UST: variants seen among roughly 807,000 people sequenced by gnomAD.
UST encodes the protein chondroitin sulfate 2-O-sulfotransferase.
In UST, 21 loss-of-function variants were observed where a neutral mutation model predicts 45.6. That is an observed-to-expected ratio of 0.46 (90% CI 0.33 to 0.66). The LOEUF (loss-of-function observed/expected upper bound fraction) is 0.66. Among genes scored for constraint, UST ranks in the 30% least tolerant of loss-of-function variants. The probability of loss-of-function intolerance (pLI) is 0.02; values close to 1 mark genes in which losing one functional copy is unlikely to be tolerated. For synonymous variants in UST, 215 were observed against 200.6 expected, an observed-to-expected ratio of 1.07 and a Z score of -0.61; for missense variants, 463 against 512.4, an observed-to-expected ratio of 0.90 and a Z score of 0.93.
rs1192695386 is a variant in UST at position 148,747,560 on chromosome 6, T to C, written c.130T>C (p.Ser44Pro). 6.3e-7 allele frequency: 1 copy of C among 1,576,466 alleles called. No homozygotes were observed. The highest frequency in any genetic ancestry group is 8.6e-7 in the Non-Finnish European group (1 of 1,163,066). Residue 44 changes from serine to proline, a missense_variant, in exon 1 of 8, where the codon TCC becomes CCC. Around this residue, in one of 2 missense-constraint regions of UST, gnomAD observed 176 missense variants for 138.3 expected, o/e 1.27. Transcript: ENST00000367463. Reference sequence around the variant, plus strand: ...GCCCCTGCTGCCTTTCCTGCGCTTCTCCCTCCGGGACTACGGCTTCTGCAT... The same window carrying C: ...GCCCCTGCTGCCTTTCCTGCGCTTCCCCCTCCGGGACTACGGCTTCTGCAT... ...RVPLLPFLRF[S>P]LRDYGFCMAT...
At chr6:148,900,230 C>G (rs1779223054) in intron 2 of UST, among the ~76,000 whole-genome samples, 1 of 152,110 alleles carries the variant, frequency 6.6e-6, no homozygotes, top group South Asian at 2.1e-4. Flanking sequence ...CTTGCCTGCT[C>G]CCATCAGAAC....
intron 5 of UST, among the ~76,000 whole-genome samples, chr6:149,003,418 G>A (rs1276332352): frequency 6.7e-6 from 1 of 148,856 alleles, no homozygotes; most frequent in Non-Finnish European, 1.5e-5. Flanking sequence ...ACGTCATTTT[G>A]ATGTCCAATT....
intron 5 of UST, among the ~76,000 whole-genome samples, chr6:149,012,159 C>T (rs1046141181): frequency 6.6e-6 from 1 of 152,234 alleles, no homozygotes; most frequent in Non-Finnish European, 1.5e-5. Context: ...CCGAAGGACA[C>T]TTCCCATCTC....
At chr6:148,938,821 A>G (rs1434867772) in intron 2 of UST, among the ~76,000 whole-genome samples, 1 of 151,392 alleles carries the variant, frequency 6.6e-6, no homozygotes, top group Non-Finnish European at 1.5e-5. Context: ...ATAGATAAAC[A>G]GTAGTATATC....
intron 1 of UST, among the ~76,000 whole-genome samples, chr6:148,778,864 A>G (rs1044369212): frequency 1.7e-4 from 26 of 152,130 alleles, no homozygotes; most frequent in Non-Finnish European, 2.9e-4. Context: ...ATGACGACCA[A>G]GGCCCACCCC....
intron 1 of UST, among the ~76,000 whole-genome samples, chr6:148,885,322 C>T (rs1009178555): frequency 8.5e-5 from 13 of 152,210 alleles, no homozygotes; most frequent in South Asian, 6.2e-4. Context: ...TCCAGGCAGC[C>T]GCACCAGCTG....
intron 5 of UST, among the ~76,000 whole-genome samples, chr6:148,995,870 C>T (rs1781444072): frequency 6.6e-6 from 1 of 152,242 alleles, no homozygotes; most frequent in Non-Finnish European, 1.5e-5. Flanking sequence ...CGTTTCTCCA[C>T]CCCTCAGTAT....
chr6:148,913,326 C>G (rs544467752), intron 2 of UST, among the ~76,000 whole-genome samples: 11 of 152,066 alleles, frequency 7.2e-5, no homozygotes, highest in Admixed American at 5.9e-4. Flanking sequence ...TTAGACTCTG[C>G]CCACCTGCAG....
chr6:148,833,743 A>G (rs1777734079), intron 1 of UST, among the ~76,000 whole-genome samples: 1 of 152,214 alleles, frequency 6.6e-6, no homozygotes, highest in South Asian at 2.1e-4. Flanking sequence ...CTAGATCTCC[A>G]GCTCAGAGAA....
intron 5 of UST, among the ~76,000 whole-genome samples, chr6:149,009,974 T>A (rs953238076): frequency 1.3e-5 from 2 of 151,794 alleles, no homozygotes; most frequent in East Asian, 3.9e-4. Flanking sequence ...TAAATTTTTT[T>A]AAATTTATTT....
At chr6:148,857,155 C>T (rs1394231047) in intron 1 of UST, among the ~76,000 whole-genome samples, 1 of 152,056 alleles carries the variant, frequency 6.6e-6, no homozygotes, top group Admixed American at 6.5e-5. Flanking sequence ...TAAACACATT[C>T]AGTGAACAGA....
At chr6:149,012,090 G>A (rs1380952687) in intron 5 of UST, among the ~76,000 whole-genome samples, 1 of 152,202 alleles carries the variant, frequency 6.6e-6, no homozygotes, top group Non-Finnish European at 1.5e-5. Context: ...TTACAACAGG[G>A]AGAGCAACGT....
rs374652253 is a variant in UST at position 148,941,576 on chromosome 6, T to C, written c.447+142T>C. 1.6e-4 allele frequency: 159 copies of C among 1,000,182 alleles called. 1 individual carries two copies. The South Asian group carries it at 2.8e-3, about 17-fold the overall frequency. The allele number at this position is 1,000,182 out of a possible 1,614,324, so 62.0% of individuals were successfully genotyped here. A position where few individuals can be genotyped will look rare whatever the true frequency, so the allele number is the denominator to read the frequency against. Reference sequence around the variant, plus strand: ...TTCATGCTGTATTTTTGCCAGAGTGTGGAAGGAAATTTAAGTTAAGGGTTC... The same window carrying C: ...TTCATGCTGTATTTTTGCCAGAGTGCGGAAGGAAATTTAAGTTAAGGGTTC... On this transcript the variant is annotated intron_variant, in intron 3 of 7. Coordinates refer to ENST00000367463, the MANE Select transcript of UST (RefSeq NM_005715.3).
At chr6:148,760,274 A>G (rs1776187340) in intron 1 of UST, among the ~76,000 whole-genome samples, 1 of 152,216 alleles carries the variant, frequency 6.6e-6, no homozygotes. Flanking sequence ...AGAGTAAGAC[A>G]TGGGTTTCCA....
chr6:148,803,193 G>GA (rs1777083228), intron 1 of UST, among the ~76,000 whole-genome samples: 1 of 152,080 alleles, frequency 6.6e-6, no homozygotes, highest in African/African-American at 2.4e-5. Flanking sequence ...TAGATCCATA[G>GA]AATCTCCCTA....
intron 7 of UST, among the ~76,000 whole-genome samples, chr6:149,064,196 C>G (rs887709825): frequency 6.6e-6 from 1 of 152,128 alleles, no homozygotes; most frequent in African/African-American, 2.4e-5. Context: ...GCCTTGTGAG[C>G]AGGCATCTCC....
chr6:148,971,466 A>G (rs751495669), intron 5 of UST, among the ~76,000 whole-genome samples: 1 of 152,140 alleles, frequency 6.6e-6, no homozygotes, highest in Non-Finnish European at 1.5e-5. Flanking sequence ...CACATCCTAC[A>G]TGTAGGATGT....
intron 7 of UST, among the ~76,000 whole-genome samples, chr6:149,051,306 C>G (rs992050531): frequency 6.6e-6 from 1 of 152,344 alleles, no homozygotes; most frequent in South Asian, 2.1e-4. Context: ...CAGCCACACA[C>G]TGGTCATCCC....
chr6:148,777,068 A>G (rs1394787539), intron 1 of UST, among the ~76,000 whole-genome samples: 3 of 152,222 alleles, frequency 2.0e-5, no homozygotes, highest in Non-Finnish European at 4.4e-5. Context: ...GTAAAACAGC[A>G]GGAATGGCCC....
Sources: allele counts gnomAD v4.1 joint callset (sites outside exome capture counted in the v4.1 genomes callset), GRCh38; gene constraint gnomAD v4.1.1; regional missense constraint gnomAD v4.1.1; transcripts MANE v1.5; gene names NCBI Gene and HGNC (gene_info 2026-07-23, HGNC 2026-07-21).